LUZP2: variants seen among roughly 807,000 people sequenced by gnomAD.
LUZP2 encodes leucine zipper protein 2.
In LUZP2, 52 loss-of-function variants were observed where a neutral mutation model predicts 51.6. That is an observed-to-expected ratio of 1.01 (90% CI 0.81 to 1.27). The LOEUF (loss-of-function observed/expected upper bound fraction) is 1.27. Ranked by LOEUF, LUZP2 falls within the 50% of genes most tolerant of loss-of-function variation. The probability of loss-of-function intolerance (pLI) is 0.00; values close to 1 mark genes in which losing one functional copy is unlikely to be tolerated. For synonymous variants in LUZP2, 154 were observed against 137.3 expected (o/e 1.12, Z -0.85); for missense variants, 436 against 395.4 (o/e 1.10, Z -0.87).
At chr11:24,983,412 A>T (rs1256630331) in intron 9 of LUZP2, 119 bp downstream of exon 9, 3 of 1,066,058 alleles carry the variant, frequency 2.8e-6, no homozygotes, top group African/African-American at 1.6e-5. Flanking sequence ...TTGAAAGATT[A>T]GGAGGAAAAT....
chr11:24,634,898 C>T (rs1378566352), intron 1 of LUZP2, among the ~76,000 whole-genome samples: 1 of 152,082 alleles, frequency 6.6e-6, no homozygotes, highest in Non-Finnish European at 1.5e-5. Context: ...ACCTAGTAAG[C>T]ATGGATGATC....
chr11:25,030,906 ATATATATTGTATT>A (rs1357380380), intron 9 of LUZP2, among the ~76,000 whole-genome samples: 1 of 19,282 alleles, frequency 5.2e-5, no homozygotes, highest in East Asian at 4.3e-4. Flanking sequence ...TATATATATA[ATATATATTGTATT>A]ATATATATAT....
chr11:24,831,071 T>C (rs1370077442), intron 5 of LUZP2, among the ~76,000 whole-genome samples: 1 of 152,128 alleles, frequency 6.6e-6, no homozygotes, highest in African/African-American at 2.4e-5. Context: ...AAGAGTTCTG[T>C]TTCCAGATCA....
chr11:24,625,438 G>C (rs1854643667), intron 1 of LUZP2, among the ~76,000 whole-genome samples: 1 of 151,574 alleles, frequency 6.6e-6, no homozygotes, highest in African/African-American at 2.4e-5. Flanking sequence ...AACTATATAA[G>C]GTGAAAAATA....
intron 1 of LUZP2, among the ~76,000 whole-genome samples, chr11:24,623,211 T>C (rs1180919229): frequency 6.6e-6 from 1 of 151,128 alleles, no homozygotes; most frequent in East Asian, 2.0e-4. Flanking sequence ...CACCACATTC[T>C]CAGAGTAGGC....
At chr11:24,892,355 G>C in intron 5 of LUZP2, 1 of 985,280 alleles carries the variant, frequency 1.0e-6, no homozygotes, top group Non-Finnish European at 1.2e-6. Flanking sequence ...GCCACCACTG[G>C]AGTAGATGAC....
At chr11:24,781,647 T>C (rs1849095337) in intron 5 of LUZP2, among the ~76,000 whole-genome samples, 1 of 151,986 alleles carries the variant, frequency 6.6e-6, no homozygotes, top group South Asian at 2.1e-4. Context: ...TAACACATCA[T>C]GGTAATACTA....
intron 5 of LUZP2, among the ~76,000 whole-genome samples, chr11:24,887,918 TA>T (rs1457608588): frequency 6.6e-6 from 1 of 152,210 alleles, no homozygotes; most frequent in African/African-American, 2.4e-5. Context: ...TCTCTGGTTT[TA>T]TTTTGGGTAC....
At chr11:24,821,167 G>A (rs1850346089) in intron 5 of LUZP2, among the ~76,000 whole-genome samples, 2 of 152,046 alleles carry the variant, frequency 1.3e-5, no homozygotes, top group Non-Finnish European at 2.9e-5. Context: ...GCTTTATGTA[G>A]CTGTCTTCTT....
At chr11:24,912,034 G>A (rs190324488) in intron 6 of LUZP2, among the ~76,000 whole-genome samples, 1 of 152,204 alleles carries the variant, frequency 6.6e-6, no homozygotes, top group East Asian at 1.9e-4. Context: ...CTGCTGCTTT[G>A]TACAGAGTTA....
At chr11:24,501,861 T>C (rs1850003725) in intron 1 of LUZP2, among the ~76,000 whole-genome samples, 1 of 152,150 alleles carries the variant, frequency 6.6e-6, no homozygotes, top group South Asian at 2.1e-4. Context: ...AATTTCTAAG[T>C]GTGAATGAAG....
intron 9 of LUZP2, among the ~76,000 whole-genome samples, chr11:25,004,515 C>T (rs1408317771): frequency 6.6e-6 from 1 of 152,072 alleles, no homozygotes; most frequent in African/African-American, 2.4e-5. Flanking sequence ...CCAGGGCTTG[C>T]TTTTGGAGCT....
intron 1 of LUZP2, among the ~76,000 whole-genome samples, chr11:24,665,647 T>C (rs916888338): frequency 6.6e-6 from 1 of 152,152 alleles, no homozygotes; most frequent in Admixed American, 6.5e-5. Context: ...AAATTTGTCA[T>C]GCGCTCGGAT....
intron 9 of LUZP2, among the ~76,000 whole-genome samples, chr11:25,049,273 C>G (rs7103683): frequency 0.47 from 71,981 of 151,854 alleles, 17,545 homozygotes; most frequent in Non-Finnish European, 0.51. Context: ...TTTGTGTGCC[C>G]TAAAACAGTA....
chr11:24,678,976 T>C (rs1378262275), intron 1 of LUZP2, among the ~76,000 whole-genome samples: 1 of 152,250 alleles, frequency 6.6e-6, no homozygotes, highest in Non-Finnish European at 1.5e-5. Context: ...TGTTATGTCC[T>C]CTAGCTAGGA....
intron 5 of LUZP2, among the ~76,000 whole-genome samples, chr11:24,776,359 C>G (rs1848924428): frequency 6.6e-6 from 1 of 152,132 alleles, no homozygotes; most frequent in Non-Finnish European, 1.5e-5. Flanking sequence ...CCACCATGGT[C>G]AGGGAAATGG....
At chr11:24,686,749 A>T (rs1856907777) in intron 1 of LUZP2, among the ~76,000 whole-genome samples, 2 of 152,186 alleles carry the variant, frequency 1.3e-5, no homozygotes, top group African/African-American at 4.8e-5. Context: ...TCCAAAATTC[A>T]GCCACTTTTA....
chr11:25,051,428 A>G (rs1274872687), intron 10 of LUZP2, among the ~76,000 whole-genome samples: 1 of 152,272 alleles, frequency 6.6e-6, no homozygotes, highest in Non-Finnish European at 1.5e-5. Flanking sequence ...AATAAGAAGT[A>G]TAAATAAAAT....
chr11:24,643,205 T>A (rs1411545244), intron 1 of LUZP2, among the ~76,000 whole-genome samples: 3 of 130,688 alleles, frequency 2.3e-5, no homozygotes, highest in African/African-American at 9.3e-5. Flanking sequence ...GGTCAGGAGT[T>A]CAAGACCAGC....
Sources: gnomAD v4.1 joint callset for allele counts (sites outside exome capture counted in the v4.1 genomes callset) on GRCh38, gnomAD v4.1.1 for gene constraint, MANE v1.5 for transcripts, NCBI Gene and HGNC (gene_info 2026-07-23, HGNC 2026-07-21) for gene names.